Variants in LHFPL6 observed in about 807,000 individuals in gnomAD.
LHFPL6 encodes the protein LHFPL tetraspan subfamily member 6, also known as LHFPL tetraspan subfamily member 6 protein.
LHFPL6 carries 9 observed loss-of-function variants against 20.6 expected under a neutral mutation model. That is an observed-to-expected ratio of 0.44 (90% CI 0.26 to 0.76). The LOEUF (loss-of-function observed/expected upper bound fraction) is 0.76, where lower values mean the gene tolerates loss of function less well. Among genes scored for constraint, LHFPL6 ranks in the 30% least tolerant of loss-of-function variants. LHFPL6 has a pLI of 0.20. For synonymous variants in LHFPL6, 105 were observed against 98.7 expected (o/e 1.06, Z -0.38); for missense variants, 218 against 253.5 (o/e 0.86, Z 0.95).
At chr13:39,593,791 G>A (rs927865862) in intron 2 of LHFPL6, among the ~76,000 whole-genome samples, 19 of 152,030 alleles carry the variant, frequency 1.2e-4, no homozygotes, top group African/African-American at 4.6e-4. Flanking sequence ...GAACAGAACA[G>A]AGCCCTCAGA....
intron 1 of LHFPL6, among the ~76,000 whole-genome samples, chr13:39,602,160 C>G (rs765261836): frequency 6.6e-6 from 1 of 152,172 alleles, no homozygotes; most frequent in African/African-American, 2.4e-5. Flanking sequence ...CCCCAGTCAT[C>G]CAAATGGTTC....
intron 2 of LHFPL6, among the ~76,000 whole-genome samples, chr13:39,563,699 G>A (rs1566142626): frequency 6.6e-6 from 1 of 152,086 alleles, no homozygotes; most frequent in Non-Finnish European, 1.5e-5. Context: ...GGGTGATTGG[G>A]AGGTTTTTGC....
In LHFPL6 at chr13:39,601,081, T is replaced by A; in HGVS notation, c.136A>T (p.Thr46Ser). 1 of 1,614,090 alleles carries A rather than the reference T, an allele frequency of 6.2e-7. No homozygotes were observed. The highest frequency in any genetic ancestry group is 8.5e-7 in the Non-Finnish European group (1 of 1,180,028). Residue 46 changes from threonine (T) to serine (S), a missense_variant, in exon 2 of 4, where the codon ACC (threonine) becomes TCC (serine). Transcript: ENST00000379589. ...SQLGKPVSFG[T>S]FRRCSYPVHD... ...ACAGGATATGAGCACCTCCGGAAGG[T>A]ACCGAAGGACACAGGCTTGCCCAGC...
At chr13:39,546,675 T>C (rs1870991988) in intron 2 of LHFPL6, among the ~76,000 whole-genome samples, 1 of 152,048 alleles carries the variant, frequency 6.6e-6, no homozygotes, top group Non-Finnish European at 1.5e-5. Context: ...CACCCTTGAC[T>C]CCACCCCATC....
chr13:39,470,680 C>T (rs1872921132), intron 2 of LHFPL6, among the ~76,000 whole-genome samples: 1 of 151,970 alleles, frequency 6.6e-6, no homozygotes, highest in Non-Finnish European at 1.5e-5. Flanking sequence ...ATAACATAGA[C>T]AAACATGTAA....
At chr13:39,350,100 G>A (rs888716863) in intron 3 of LHFPL6, among the ~76,000 whole-genome samples, 1 of 152,116 alleles carries the variant, frequency 6.6e-6, no homozygotes, top group Non-Finnish European at 1.5e-5. Context: ...ACGCAGCCGG[G>A]AACAATACAG....
intron 2 of LHFPL6, among the ~76,000 whole-genome samples, chr13:39,542,096 T>TATTATA (rs368856568): frequency 1.5e-5 from 2 of 137,132 alleles, no homozygotes; most frequent in African/African-American, 2.7e-5. Context: ...ATCTCAAAAA[T>TATTATA]ATAATAATAA....
chr13:39,353,743 T>C (rs1314099890), intron 3 of LHFPL6, among the ~76,000 whole-genome samples: 1 of 152,040 alleles, frequency 6.6e-6, no homozygotes, highest in African/African-American at 2.4e-5. Flanking sequence ...AAAACTCCTG[T>C]TTCTTTATGT....
intron 2 of LHFPL6, among the ~76,000 whole-genome samples, chr13:39,531,834 T>C (rs2138495591): frequency 6.6e-6 from 1 of 152,194 alleles, no homozygotes; most frequent in South Asian, 2.1e-4. Flanking sequence ...ACAAGTAAGC[T>C]GAAGAAAGGA....
chr13:39,486,897 A>C (rs1213154276), intron 2 of LHFPL6, among the ~76,000 whole-genome samples: 1 of 152,240 alleles, frequency 6.6e-6, no homozygotes, highest in African/African-American at 2.4e-5. Context: ...AATCATTTGC[A>C]TATCCCTGTT....
chr13:39,383,936 C>T (rs1048215325), intron 2 of LHFPL6, among the ~76,000 whole-genome samples: 4 of 152,174 alleles, frequency 2.6e-5, no homozygotes, highest in African/African-American at 9.7e-5. Context: ...TTCTTTTGAT[C>T]CCAGCACTTC....
chr13:39,411,184 C>G (rs1050917428), intron 2 of LHFPL6, among the ~76,000 whole-genome samples: 6 of 152,172 alleles, frequency 3.9e-5, no homozygotes. Flanking sequence ...ACTGTAGTTG[C>G]TAATATTTCA....
At chr13:39,379,135 C>T (rs922370522) in intron 2 of LHFPL6, among the ~76,000 whole-genome samples, 2 of 152,120 alleles carry the variant, frequency 1.3e-5, no homozygotes, top group African/African-American at 4.8e-5. Context: ...TCTAAGCACC[C>T]CTTGCTGCTA....
intron 2 of LHFPL6, among the ~76,000 whole-genome samples, chr13:39,460,426 T>C (rs1399596544): frequency 6.6e-6 from 1 of 152,196 alleles, no homozygotes; most frequent in Non-Finnish European, 1.5e-5. Flanking sequence ...TGACACAACC[T>C]GGGCATTGGT....
At chr13:39,419,121 T>C (rs749521915) in intron 2 of LHFPL6, among the ~76,000 whole-genome samples, 4 of 152,208 alleles carry the variant, frequency 2.6e-5, no homozygotes, top group Non-Finnish European at 4.4e-5. Flanking sequence ...TACCAGTCCA[T>C]CTACTTAGCT....
At chr13:39,544,788 T>C (rs1378892321) in intron 2 of LHFPL6, among the ~76,000 whole-genome samples, 1 of 152,128 alleles carries the variant, frequency 6.6e-6, no homozygotes, top group African/African-American at 2.4e-5. Context: ...TGGCAAAAAC[T>C]GTTACAGTAC....
intron 2 of LHFPL6, among the ~76,000 whole-genome samples, chr13:39,389,602 C>T (rs574157565): frequency 6.6e-6 from 1 of 152,200 alleles, no homozygotes; most frequent in South Asian, 2.1e-4. Flanking sequence ...GTGAACAAAG[C>T]CACCTGCACC....
intron 2 of LHFPL6, among the ~76,000 whole-genome samples, chr13:39,424,599 G>A (rs1425276691): frequency 1.3e-5 from 2 of 152,168 alleles, no homozygotes; most frequent in African/African-American, 2.4e-5. Flanking sequence ...CCAGTCCACA[G>A]TCACATAAAC....
chr13:39,565,933 A>C (rs1456694416), intron 2 of LHFPL6, among the ~76,000 whole-genome samples: 2 of 152,250 alleles, frequency 1.3e-5, no homozygotes, highest in Non-Finnish European at 2.9e-5. Context: ...TTGCTGCCAA[A>C]TAAAAAGAGA....
Sources: gnomAD v4.1 joint callset for allele counts (sites outside exome capture counted in the v4.1 genomes callset) on GRCh38, gnomAD v4.1.1 for gene constraint, MANE v1.5 for transcripts, NCBI Gene and HGNC (gene_info 2026-07-23, HGNC 2026-07-21) for gene names.